Variants in YPEL2 observed in about 807,000 individuals in gnomAD.
The protein encoded by YPEL2 is yippee like 2.
A neutral mutation model predicts 19.1 loss-of-function variants in YPEL2; 2 were observed. The ratio of observed to expected loss-of-function variants is 0.10; its 90% CI spans 0.04 to 0.33. The LOEUF (loss-of-function observed/expected upper bound fraction) is 0.33, where lower values mean the gene tolerates loss of function less well. YPEL2 is among the 10% of genes least tolerant of loss of function. YPEL2 has a pLI of 1.00. For missense variants in YPEL2, 66 were observed against 140.7 expected, an observed-to-expected ratio of 0.47 and a Z score of 2.68; for synonymous variants, 52 against 50.0, an observed-to-expected ratio of 1.04 and a Z score of -0.17.
chr17:59,391,518 A>T (rs1364101723), intron 4 of YPEL2, among the ~76,000 whole-genome samples: 1 of 146,756 alleles, frequency 6.8e-6, no homozygotes, highest in East Asian at 2.0e-4. Context: ...GGAAATCATT[A>T]AAAAAAAAAA....
At chr17:59,338,069 A>G (rs776008199) in intron 1 of YPEL2, among the ~76,000 whole-genome samples, 2 of 152,202 alleles carry the variant, frequency 1.3e-5, no homozygotes, top group Non-Finnish European at 2.9e-5. Context: ...TGTTACCTGG[A>G]TGGCTCAGCA....
At chr17:59,364,612 CTTT>C (rs56282847) in intron 2 of YPEL2, among the ~76,000 whole-genome samples, 585 of 108,646 alleles carry the variant, frequency 5.4e-3, no homozygotes, top group Middle Eastern at 0.017. Flanking sequence ...CCCTCTGTGT[CTTT>C]TTTTTTTTTT....
intron 1 of YPEL2, among the ~76,000 whole-genome samples, chr17:59,341,053 G>T (rs534795065): frequency 6.7e-6 from 1 of 149,570 alleles, no homozygotes. Context: ...GGCCGGGCGC[G>T]GTGGCTCATG....
intron 1 of YPEL2, among the ~76,000 whole-genome samples, chr17:59,342,611 A>G (rs886773425): frequency 7.9e-5 from 12 of 152,176 alleles, no homozygotes; most frequent in African/African-American, 2.4e-4. Flanking sequence ...GGAAAAATCT[A>G]TTTGTTTTGT....
intron 4 of YPEL2, among the ~76,000 whole-genome samples, chr17:59,396,047 C>G (rs1016097896): frequency 6.6e-6 from 1 of 152,126 alleles, no homozygotes; most frequent in African/African-American, 2.4e-5. Flanking sequence ...CACCACTGCA[C>G]TCCAGCCTGG....
At chr17:59,383,233 A>G (rs62083338) in intron 2 of YPEL2, among the ~76,000 whole-genome samples, 5,546 of 152,106 alleles carry the variant, frequency 0.036, 154 homozygotes, top group Non-Finnish European at 0.049. Flanking sequence ...GTGAATAGTC[A>G]TACGAGTTTT....
At chr17:59,380,458 C>T (rs541164982) in intron 2 of YPEL2, among the ~76,000 whole-genome samples, 3 of 151,816 alleles carry the variant, frequency 2.0e-5, no homozygotes, top group African/African-American at 2.4e-5. Flanking sequence ...TTAGTAGAGA[C>T]GGGGTTTCGC....
At chr17:59,356,218 CTG>C (rs1344719615) in intron 2 of YPEL2, 1 of 150,896 alleles carries the variant, frequency 6.6e-6, no homozygotes, top group African/African-American at 2.4e-5. Flanking sequence ...AAGCAGATAA[CTG>C]GAGCTGGATC....
At chr17:59,332,760 C>T (rs2147930431) in intron 1 of YPEL2, among the ~76,000 whole-genome samples, 1 of 152,282 alleles carries the variant, frequency 6.6e-6, no homozygotes, top group Admixed American at 6.5e-5. Flanking sequence ...GGAGCTGCAC[C>T]CTCGCCCGCC....
At chr17:59,362,263 TG>T (rs1296204878) in intron 2 of YPEL2, among the ~76,000 whole-genome samples, 3 of 149,886 alleles carry the variant, frequency 2.0e-5, no homozygotes, top group African/African-American at 7.5e-5. Context: ...AAGCATTCTA[TG>T]GTTTTTTTTT....
In YPEL2 at chr17:59,389,025, G is replaced by A. The variant is rs2147957443; in HGVS notation, c.162-335G>A. On this transcript the variant is annotated intron_variant, in intron 3 of 4. Transcript: ENST00000312655. ...TCCTCAGTAAGCTGTGAGGACCTGT[G>A]CCCATGGCTGTGGACTTCACAGTGT... The A allele has an allele frequency of 1.2e-5, 4 of 343,792 alleles. No homozygotes were observed. The South Asian group carries it at 1.3e-4, about 11-fold the overall frequency. 21.3% of individuals were successfully genotyped at this position (343,792 alleles called of 1,614,324 possible). A position where few individuals can be genotyped will look rare whatever the true frequency, so the allele number is the denominator to read the frequency against.
At chr17:59,393,519 T>C (rs1598054968) in intron 4 of YPEL2, among the ~76,000 whole-genome samples, 1 of 150,292 alleles carries the variant, frequency 6.7e-6, no homozygotes. Context: ...ATTTTATTTA[T>C]TTATTTATTT....
chr17:59,378,230 T>G (rs935337093), intron 2 of YPEL2, among the ~76,000 whole-genome samples: 4 of 152,130 alleles, frequency 2.6e-5, no homozygotes, highest in Non-Finnish European at 5.9e-5. Context: ...AAAACACTTC[T>G]GATACCTTGT....
chr17:59,342,035 T>C (rs993016128), intron 1 of YPEL2, among the ~76,000 whole-genome samples: 3 of 152,230 alleles, frequency 2.0e-5, no homozygotes, highest in African/African-American at 7.2e-5. Flanking sequence ...TTTTAAAAAG[T>C]TCAATTTCCA....
rs985321416 is a variant in YPEL2 at position 59,397,307 on chromosome 17, G to A, written c.*117G>A. The A allele has an allele frequency of 4.2e-5, 28 of 670,988 alleles. No individual in the cohort carries two copies. The Admixed American group carries it at 5.5e-4, about 13-fold the overall frequency. The allele number at this position is 670,988 out of a possible 1,614,324, so 41.6% of individuals were successfully genotyped here. A position where few individuals can be genotyped will look rare whatever the true frequency, so the allele number is the denominator to read the frequency against. On this transcript the variant is annotated 3_prime_UTR_variant, in exon 5 of 5. Transcript: ENST00000312655. ...CATCCATTTAGGGGCCTTGCCATCC[G>A]GGGCATCCTCCCACCCTGACGCCAT...
rs577202171 is a variant in YPEL2 at position 59,387,322 on chromosome 17, C to T, written c.118-1005C>T. 4.0e-5 allele frequency among the ~76,000 whole-genome samples: 6 copies of T among 151,148 alleles called. No individual in the cohort carries two copies. In the East Asian group the frequency reaches 7.8e-4, roughly 20 times the overall value. Reference sequence around the variant, plus strand: ...ACTGGCTGGCAGCACTGATCCCTGACGTCCTGCACATCTGACAAAAATGAT... The same window carrying T: ...ACTGGCTGGCAGCACTGATCCCTGATGTCCTGCACATCTGACAAAAATGAT... On this transcript the variant is annotated intron_variant, in intron 2 of 4. Transcript: ENST00000312655.
At chr17:59,374,652 A>G (rs991502136) in intron 2 of YPEL2, among the ~76,000 whole-genome samples, 1 of 152,186 alleles carries the variant, frequency 6.6e-6, no homozygotes, top group Non-Finnish European at 1.5e-5. Context: ...TCTAGGGAAC[A>G]CCTTTTAGTA....
At chr17:59,349,591 C>T (rs2047777173) in intron 1 of YPEL2, among the ~76,000 whole-genome samples, 1 of 151,984 alleles carries the variant, frequency 6.6e-6, no homozygotes, top group Non-Finnish European at 1.5e-5. Flanking sequence ...AAGTGATCTG[C>T]CTTGGCCTCC....
At chr17:59,354,125 G>A (rs2147940592) in intron 2 of YPEL2, 2 of 156,836 alleles carry the variant, frequency 1.3e-5, no homozygotes, top group South Asian at 3.8e-4. Flanking sequence ...TGCTTAGGCA[G>A]CTGCTTTCTA....
Sources: allele counts gnomAD v4.1 joint callset (sites outside exome capture counted in the v4.1 genomes callset), GRCh38; gene constraint gnomAD v4.1.1; transcripts MANE v1.5; gene names NCBI Gene and HGNC (gene_info 2026-07-23, HGNC 2026-07-21).